DNAI7: variants seen among roughly 807,000 people sequenced by gnomAD.
The protein encoded by DNAI7 is cancer susceptibility 1.
In DNAI7, 78 loss-of-function variants were observed where a neutral mutation model predicts 86.6. That is an observed-to-expected ratio of 0.90 (90% CI 0.75 to 1.09). DNAI7 has a LOEUF of 1.09. Ranked by LOEUF, DNAI7 falls within the 50% of genes least tolerant of loss-of-function variation. The pLI is 0.00. For missense variants in DNAI7, 753 were observed against 810.2 expected (o/e 0.93, Z 0.86); for synonymous variants, 274 against 273.0 (o/e 1.00, Z -0.04).
chr12:25,121,997 G>T, intron 10 of DNAI7, 84 bp from the exon 11 acceptor site: 2 of 929,286 alleles, frequency 2.2e-6, no homozygotes, highest in Non-Finnish European at 3.2e-6. Flanking sequence ...TCTCATACTG[G>T]TAAAGGAAGT....
At chr12:25,140,437 C>G (rs1019992180) in intron 9 of DNAI7, among the ~76,000 whole-genome samples, 7 of 152,050 alleles carry the variant, frequency 4.6e-5, no homozygotes, top group Non-Finnish European at 1.0e-4. Context: ...AACTCAGCCC[C>G]TTTTACAGTA....
At chr12:25,107,883 C>T, downstream of DNAI7, 1 of 1,614,212 alleles carries the variant, frequency 6.2e-7, no homozygotes, top group South Asian at 1.1e-5. Context: ...ATAAGGCCCT[C>T]TGGCTCTCTA....
chr12:25,191,214 A>T (rs1370895168), intron 1 of DNAI7, among the ~76,000 whole-genome samples: 1 of 152,144 alleles, frequency 6.6e-6, no homozygotes, highest in Admixed American at 6.5e-5. Flanking sequence ...AGAGTTCAAG[A>T]TCAGCCCGGG....
At chr12:25,173,886 AT>A in intron 2 of DNAI7, among the ~76,000 whole-genome samples, 2 of 121,116 alleles carry the variant, frequency 1.7e-5, no homozygotes, top group South Asian at 2.6e-4. Flanking sequence ...TATACACATC[AT>A]TCATATATAT....
chr12:25,128,424 A>G (rs977664651), intron 9 of DNAI7, among the ~76,000 whole-genome samples: 2 of 152,160 alleles, frequency 1.3e-5, no homozygotes, highest in African/African-American at 4.8e-5. Context: ...CCCAAATATA[A>G]GCTAGTGATG....
chr12:25,144,366 A>G lies in DNAI7; in HGVS notation c.1001T>C (p.Met334Thr). Residue 334 changes from methionine to threonine, a missense_variant and splice_region_variant, in exon 9 of 16, where the codon ATG becomes ACG. Transcript: ENST00000395987. Reference protein sequence around the residue: ...EEEQGDIEVKMSSAEEESEAI... With the variant: ...EEEQGDIEVKTSSAEEESEAI... ...TGTGTATATTTAAATGTGTCCTACC[A>G]TTTTCACTTCAATATCACCTTGTTC... 6.2e-7 allele frequency: 1 copy of G among 1,609,982 alleles called. No homozygotes were observed. Among genetic ancestry groups the G allele is most frequent in the South Asian group, 1.1e-5 (1 of 90,812 alleles).
At chr12:25,161,801 G>A (rs1354307003) in intron 2 of DNAI7, among the ~76,000 whole-genome samples, 1 of 152,162 alleles carries the variant, frequency 6.6e-6, no homozygotes, top group Non-Finnish European at 1.5e-5. Flanking sequence ...AGTTCAGTGG[G>A]CCCTGGAAAG....
chr12:25,186,215 TA>T (rs1950023365), intron 2 of DNAI7, among the ~76,000 whole-genome samples: 1 of 152,210 alleles, frequency 6.6e-6, no homozygotes, highest in South Asian at 2.1e-4. Context: ...TAACCTTTTC[TA>T]TAGTCTTACG....
At chr12:25,173,291 C>T (rs1441185299) in intron 2 of DNAI7, among the ~76,000 whole-genome samples, 1 of 152,020 alleles carries the variant, frequency 6.6e-6, no homozygotes, top group Admixed American at 6.6e-5. Flanking sequence ...GGGCTAAGGA[C>T]ATGAATACAC....
At chr12:25,157,079 G>A (rs950063033) in intron 4 of DNAI7, among the ~76,000 whole-genome samples, 1 of 151,970 alleles carries the variant, frequency 6.6e-6, no homozygotes, top group African/African-American at 2.4e-5. Context: ...ACGAGGTCAG[G>A]TGATTGAGAC....
intron 13 of DNAI7, among the ~76,000 whole-genome samples, chr12:25,112,483 T>G (rs1232061876): frequency 7.1e-6 from 1 of 141,432 alleles, no homozygotes; most frequent in Non-Finnish European, 1.5e-5. Flanking sequence ...CTTGGCTCAC[T>G]GCAAGCTCTG....
intron 3 of DNAI7, 50 bp downstream of exon 3, chr12:25,161,063 A>G (rs1946788370): frequency 7.2e-7 from 1 of 1,388,072 alleles, no homozygotes. Flanking sequence ...AGACCAACCT[A>G]TCGTGACTAT....
chr12:25,114,784 G>A lies in DNAI7; in HGVS notation c.1483C>T (p.Pro495Ser). The part of the protein sequence containing the change: ...LVTFSLDTFG[P>S]VTLIQDAHIN... ...TGAGCATCTTGAATCAAGGTAACAG[G>A]GCCAAAGGTGTCCAGGCTGAATGTT... Residue 495 changes from proline (P) to serine (S), a missense_variant, in exon 13 of 16, where the codon CCT becomes TCT. Transcript: ENST00000395987. 6.2e-7 allele frequency: 1 copy of A among 1,613,972 alleles called. No homozygotes were observed. Among genetic ancestry groups the A allele is most frequent in the African/African-American group, 1.3e-5 (1 of 75,042 alleles).
At chr12:25,111,409 T>C (rs1426072755) in intron 14 of DNAI7, among the ~76,000 whole-genome samples, 1 of 152,226 alleles carries the variant, frequency 6.6e-6, no homozygotes, top group Non-Finnish European at 1.5e-5. Context: ...CTTGTATTTT[T>C]AATTCTGCCT....
Position 25,108,387 on chromosome 12 carries a change from A to T in DNAI7, c.*161T>A, listed in dbSNP as rs1454722336. The T allele has an allele frequency of 1.5e-6, 1 of 654,612 alleles. No homozygotes were observed. The allele number at this position is 654,612 out of a possible 1,614,324, so 40.6% of individuals were successfully genotyped here. The stretch of plus-strand genomic sequence containing the variant: ...GGCCAAGTATTCAAAGGAAAAAAAA[A>T]TACTGTTTTTAAAATAAAACTTGAG... On this transcript the variant is annotated 3_prime_UTR_variant, in exon 16 of 16. Coordinates refer to ENST00000395987, the MANE Select transcript of DNAI7 (RefSeq NM_018272.5).
chr12:25,147,478 C>CCCCG (rs1945008725), intron 7 of DNAI7, among the ~76,000 whole-genome samples: 4 of 149,772 alleles, frequency 2.7e-5, no homozygotes, highest in Non-Finnish European at 6.0e-5. Flanking sequence ...ATAATGAGAC[C>CCCCG]ACCCCCATCT....
chr12:25,177,134 C>T (rs950352633), intron 2 of DNAI7, among the ~76,000 whole-genome samples: 14 of 152,074 alleles, frequency 9.2e-5, no homozygotes, highest in African/African-American at 3.1e-4. Context: ...AACTCCTGAC[C>T]TCAAGTGATT....
downstream of DNAI7, chr12:25,107,989 T>C (rs1462736719): frequency 1.9e-6 from 3 of 1,614,184 alleles, no homozygotes; most frequent in African/African-American, 4.0e-5. Context: ...GCAAGAGGAC[T>C]CATGGACGTC....
At chr12:25,133,731 T>C (rs1943212500) in intron 9 of DNAI7, among the ~76,000 whole-genome samples, 1 of 152,188 alleles carries the variant, frequency 6.6e-6, no homozygotes, top group Non-Finnish European at 1.5e-5. Context: ...CATGTGTCTG[T>C]TGGGTGGTGG....
Sources: allele counts gnomAD v4.1 joint callset (sites outside exome capture counted in the v4.1 genomes callset), GRCh38; gene constraint gnomAD v4.1.1; transcripts MANE v1.5; gene names NCBI Gene and HGNC (gene_info 2026-07-23, HGNC 2026-07-21).